The following BRINP3 variants were observed in gnomAD, a reference collection of about 807,000 sequenced individuals.
The protein encoded by BRINP3 is BMP/retinoic acid-inducible neural-specific protein 3.
A neutral mutation model predicts 71.0 loss-of-function variants in BRINP3; 19 were observed. The ratio of observed to expected loss-of-function variants is 0.27; its 90% CI spans 0.19 to 0.39. The LOEUF (loss-of-function observed/expected upper bound fraction) is 0.39. BRINP3 is among the 10% of genes least tolerant of loss of function. The probability of loss-of-function intolerance (pLI) is 1.00; values close to 1 mark genes in which losing one functional copy is unlikely to be tolerated. For missense variants in BRINP3, 959 were observed against 940.8 expected, an observed-to-expected ratio of 1.02 and a Z score of -0.25; for synonymous variants, 380 against 337.7, an observed-to-expected ratio of 1.13 and a Z score of -1.37.
intron 7 of BRINP3, among the ~76,000 whole-genome samples, chr1:190,139,337 A>T (rs758533272): frequency 4.0e-5 from 6 of 151,486 alleles, no homozygotes; most frequent in Non-Finnish European, 7.4e-5. Flanking sequence ...CTGTAATCCC[A>T]GCTACCTGGG....
intron 2 of BRINP3, among the ~76,000 whole-genome samples, chr1:190,288,011 A>G (rs1442880992): frequency 1.3e-5 from 2 of 152,116 alleles, no homozygotes; most frequent in African/African-American, 2.4e-5. Flanking sequence ...TTTAAATTAA[A>G]TCACATTTTG....
At chr1:190,417,368 T>C (rs973749586) in intron 2 of BRINP3, among the ~76,000 whole-genome samples, 1 of 152,184 alleles carries the variant, frequency 6.6e-6, no homozygotes, top group Non-Finnish European at 1.5e-5. Context: ...GCTCTAATTT[T>C]ACAGTAAATA....
intron 4 of BRINP3, among the ~76,000 whole-genome samples, chr1:190,261,316 A>C (rs976279554): frequency 3.3e-5 from 5 of 152,122 alleles, no homozygotes; most frequent in African/African-American, 4.8e-5. Flanking sequence ...ATTACACTTC[A>C]CATTTTATTG....
chr1:190,391,253 T>C (rs1447159476), intron 2 of BRINP3, among the ~76,000 whole-genome samples: 3 of 151,738 alleles, frequency 2.0e-5, no homozygotes, highest in Non-Finnish European at 4.4e-5. Flanking sequence ...ATTTCCTACT[T>C]CTGAATGTGT....
chr1:190,283,097 A>G (rs1213268151), intron 2 of BRINP3, among the ~76,000 whole-genome samples: 1 of 151,922 alleles, frequency 6.6e-6, no homozygotes, highest in Non-Finnish European at 1.5e-5. Flanking sequence ...CAAACAGCCC[A>G]TTTTTGTCAC....
chr1:190,217,232 T>A (rs1031543596), intron 6 of BRINP3, among the ~76,000 whole-genome samples: 5 of 151,942 alleles, frequency 3.3e-5, no homozygotes, highest in African/African-American at 1.2e-4. Context: ...TCATGGTACT[T>A]AGAATAAAGA....
intron 2 of BRINP3, among the ~76,000 whole-genome samples, chr1:190,369,579 A>G (rs1669727421): frequency 6.6e-6 from 1 of 152,102 alleles, no homozygotes; most frequent in Admixed American, 6.6e-5. Flanking sequence ...GTATATAATG[A>G]CAAAACATTT....
chr1:190,295,757 C>A (rs1231926630), intron 2 of BRINP3, among the ~76,000 whole-genome samples: 1 of 151,578 alleles, frequency 6.6e-6, no homozygotes, highest in Non-Finnish European at 1.5e-5. Flanking sequence ...CAAATTCCCA[C>A]ACTCACTTCC....
intron 2 of BRINP3, among the ~76,000 whole-genome samples, chr1:190,371,129 C>G (rs996620448): frequency 2.6e-4 from 39 of 152,204 alleles, no homozygotes; most frequent in African/African-American, 8.7e-4. Flanking sequence ...TGTAGGTAGA[C>G]TACTCACTCT....
intron 7 of BRINP3, among the ~76,000 whole-genome samples, chr1:190,157,935 A>G (rs1040280852): frequency 2.6e-5 from 4 of 152,128 alleles, no homozygotes; most frequent in African/African-American, 9.7e-5. Context: ...CCACATAGCC[A>G]TAAAAAATAA....
chr1:190,121,124 A>T (rs1207582871), intron 7 of BRINP3, among the ~76,000 whole-genome samples: 2 of 152,176 alleles, frequency 1.3e-5, no homozygotes, highest in Admixed American at 6.6e-5. Context: ...CAAAGCTGAA[A>T]AACAGAAAAG....
At chr1:190,150,240 A>G (rs897441570) in intron 7 of BRINP3, among the ~76,000 whole-genome samples, 1 of 150,396 alleles carries the variant, frequency 6.6e-6, no homozygotes, top group African/African-American at 2.5e-5. Context: ...TGCCATTTTA[A>G]TGAGTTGGTA....
intron 1 of BRINP3, among the ~76,000 whole-genome samples, chr1:190,466,576 A>G (rs1676764609): frequency 6.6e-6 from 1 of 151,766 alleles, no homozygotes; most frequent in South Asian, 2.1e-4. Context: ...TTTTTTACCA[A>G]TTTCTAAGGA....
intron 2 of BRINP3, among the ~76,000 whole-genome samples, chr1:190,320,643 T>C (rs1666175956): frequency 6.6e-6 from 1 of 151,860 alleles, no homozygotes; most frequent in South Asian, 2.1e-4. Context: ...CAGGACACCA[T>C]TCCATCACAG....
intron 2 of BRINP3, among the ~76,000 whole-genome samples, chr1:190,283,718 A>G (rs6673983): frequency 6.6e-6 from 1 of 150,592 alleles, no homozygotes; most frequent in Non-Finnish European, 1.5e-5. Context: ...CAAATATTTA[A>G]GTCCTAAATT....
chr1:190,287,370 T>C (rs1212030327), intron 2 of BRINP3, among the ~76,000 whole-genome samples: 1 of 152,168 alleles, frequency 6.6e-6, no homozygotes, highest in African/African-American at 2.4e-5. Flanking sequence ...AACAGCTAAA[T>C]GCTCAGCAAT....
At chr1:190,165,140 G>GA (rs1279377664) in intron 6 of BRINP3, among the ~76,000 whole-genome samples, 7 of 151,302 alleles carry the variant, frequency 4.6e-5, no homozygotes, top group Non-Finnish European at 7.4e-5. Flanking sequence ...AAGAGAAATA[G>GA]AAAAAAACAT....
intron 7 of BRINP3, among the ~76,000 whole-genome samples, chr1:190,150,312 G>A (rs747413320): frequency 6.6e-6 from 1 of 151,798 alleles, no homozygotes; most frequent in South Asian, 2.1e-4. Context: ...ACATATACAT[G>A]TTAGAAAATA....
intron 2 of BRINP3, among the ~76,000 whole-genome samples, chr1:190,441,840 T>G (rs1354384128): frequency 6.6e-6 from 1 of 152,036 alleles, no homozygotes; most frequent in Non-Finnish European, 1.5e-5. Flanking sequence ...GATTAAACAT[T>G]GAAGAGATAG....
Sources: gnomAD v4.1 joint callset for allele counts (sites outside exome capture counted in the v4.1 genomes callset) on GRCh38, gnomAD v4.1.1 for gene constraint, MANE v1.5 for transcripts, NCBI Gene and HGNC (gene_info 2026-07-23, HGNC 2026-07-21) for gene names.